KCNIP4: variants seen among roughly 807,000 people sequenced by gnomAD.
KCNIP4 encodes the protein Kv channel-interacting protein 4.
In KCNIP4, 12 loss-of-function variants were observed where a neutral mutation model predicts 34.0. That is an observed-to-expected ratio of 0.35 (90% CI 0.23 to 0.57). The LOEUF is 0.57. Ranked by LOEUF, KCNIP4 falls within the 20% of genes least tolerant of loss-of-function variation. KCNIP4 has a pLI of 0.83. For synonymous variants in KCNIP4, 124 were observed against 102.2 expected (o/e 1.21, Z -1.29); for missense variants, 238 against 311.7 (o/e 0.76, Z 1.78).
chr4:21,765,834 A>AC (rs1349088964), intron 1 of KCNIP4, among the ~76,000 whole-genome samples: 9 of 151,436 alleles, frequency 5.9e-5, no homozygotes, highest in Admixed American at 1.3e-4. Flanking sequence ...AAAAAAAAAA[A>AC]AAAAACAAAC....
chr4:20,880,957 G>C (rs1270103920), intron 2 of KCNIP4, among the ~76,000 whole-genome samples: 1 of 152,142 alleles, frequency 6.6e-6, no homozygotes, highest in Non-Finnish European at 1.5e-5. Flanking sequence ...TTTAATTTTT[G>C]TATGTGCATT....
intron 3 of KCNIP4, among the ~76,000 whole-genome samples, chr4:20,819,605 G>A (rs750364758): frequency 6.6e-6 from 1 of 152,214 alleles, no homozygotes; most frequent in Non-Finnish European, 1.5e-5. Flanking sequence ...TTGAATGGAT[G>A]AGGTCCCTCC....
chr4:21,431,792 GA>G (rs1726474370), intron 1 of KCNIP4, among the ~76,000 whole-genome samples: 1 of 151,416 alleles, frequency 6.6e-6, no homozygotes, highest in Admixed American at 6.6e-5. Context: ...CCACTGCCAG[GA>G]CAGATTAGTG....
At chr4:21,588,535 T>C (rs73252289) in intron 1 of KCNIP4, among the ~76,000 whole-genome samples, 4,657 of 152,044 alleles carry the variant, frequency 0.031, 74 homozygotes, top group South Asian at 0.073. Context: ...TCCCACGCCC[T>C]ACATCAGGAA....
chr4:21,199,051 G>A (rs916985307), intron 1 of KCNIP4, among the ~76,000 whole-genome samples: 2 of 152,222 alleles, frequency 1.3e-5, no homozygotes, highest in South Asian at 2.1e-4. Context: ...TTCTCTTTGT[G>A]AGGAGTAAAA....
At chr4:20,816,501 C>A (rs1221708941) in intron 3 of KCNIP4, among the ~76,000 whole-genome samples, 1 of 152,124 alleles carries the variant, frequency 6.6e-6, no homozygotes, top group Non-Finnish European at 1.5e-5. Flanking sequence ...AACATTAAAC[C>A]CAATTTCCTT....
chr4:21,290,525 C>A (rs142072101), intron 1 of KCNIP4, among the ~76,000 whole-genome samples: 2,112 of 152,236 alleles, frequency 0.014, 23 homozygotes, highest in South Asian at 0.026. Flanking sequence ...CATTATTTTG[C>A]ATACTGTTTT....
At chr4:21,464,058 G>A (rs924391729) in intron 1 of KCNIP4, among the ~76,000 whole-genome samples, 1 of 151,822 alleles carries the variant, frequency 6.6e-6, no homozygotes, top group African/African-American at 2.4e-5. Flanking sequence ...TGGTAGTGAT[G>A]TCTCCACTCC....
chr4:21,209,636 T>C (rs1271486275), intron 1 of KCNIP4, among the ~76,000 whole-genome samples: 4 of 152,170 alleles, frequency 2.6e-5, no homozygotes, highest in Non-Finnish European at 5.9e-5. Flanking sequence ...TTTATCTATC[T>C]ATCTATCATA....
intron 1 of KCNIP4, among the ~76,000 whole-genome samples, chr4:20,947,806 C>T (rs1447999232): frequency 1.3e-5 from 2 of 152,204 alleles, no homozygotes; most frequent in Non-Finnish European, 2.9e-5. Flanking sequence ...CACACGGCAG[C>T]TCCTAATCTG....
chr4:20,799,713 C>G (rs1713980849), intron 3 of KCNIP4, among the ~76,000 whole-genome samples: 1 of 152,152 alleles, frequency 6.6e-6, no homozygotes, highest in Non-Finnish European at 1.5e-5. Context: ...TCCCACCATC[C>G]CAGGGTCCAA....
intron 1 of KCNIP4, among the ~76,000 whole-genome samples, chr4:21,528,740 A>G (rs867045852): frequency 0.012 from 151 of 12,390 alleles, 5 homozygotes; most frequent in Middle Eastern, 0.05. Flanking sequence ...AGAAAGAAAG[A>G]AAGAAAGAAA....
intron 6 of KCNIP4, 141 bp downstream of exon 6, chr4:20,734,487 T>G: frequency 2.2e-6 from 1 of 463,442 alleles, no homozygotes; most frequent in Non-Finnish European, 3.8e-6. Context: ...AAGTTTTTAA[T>G]TGTACATCTT....
chr4:20,801,662 C>T (rs1013252234), intron 3 of KCNIP4, among the ~76,000 whole-genome samples: 17 of 151,814 alleles, frequency 1.1e-4, no homozygotes, highest in Non-Finnish European at 1.6e-4. Context: ...CTCATGGTAA[C>T]TGCAAAACAA....
chr4:21,742,133 G>A (rs10017454), intron 1 of KCNIP4, among the ~76,000 whole-genome samples: 110,772 of 152,098 alleles, frequency 0.73, 41,734 homozygotes, highest in African/African-American at 0.85. Flanking sequence ...TTGAAACAGC[G>A]TTATTGTACC....
intron 3 of KCNIP4, among the ~76,000 whole-genome samples, chr4:20,846,931 T>G (rs943608456): frequency 2.6e-5 from 4 of 152,218 alleles, no homozygotes; most frequent in Admixed American, 6.5e-5. Flanking sequence ...AGCCACTATT[T>G]TTAATTTGTA....
intron 1 of KCNIP4, among the ~76,000 whole-genome samples, chr4:21,702,174 C>G (rs1052482942): frequency 5.3e-5 from 8 of 152,074 alleles, no homozygotes; most frequent in African/African-American, 1.7e-4. Flanking sequence ...AGTCCAAGAT[C>G]GAGGTGCCAG....
At chr4:21,450,819 C>CT (rs1334876341) in intron 1 of KCNIP4, among the ~76,000 whole-genome samples, 1 of 152,100 alleles carries the variant, frequency 6.6e-6, no homozygotes, top group East Asian at 1.9e-4. Flanking sequence ...CGTGCAGATA[C>CT]TTTGAAAAGT....
At chr4:21,200,346 ATATGTGTG>A (rs371735304) in intron 1 of KCNIP4, among the ~76,000 whole-genome samples, 12 of 97,116 alleles carry the variant, frequency 1.2e-4, no homozygotes, top group African/African-American at 4.6e-4. Context: ...ATACATACAT[ATATGTGTG>A]TATATATATA....
Sources: allele counts gnomAD v4.1 joint callset (sites outside exome capture counted in the v4.1 genomes callset), GRCh38; gene constraint gnomAD v4.1.1; transcripts MANE v1.5; gene names NCBI Gene and HGNC (gene_info 2026-07-23, HGNC 2026-07-21).